EBF3: variants seen among roughly 807,000 people sequenced by gnomAD.
EBF3 encodes EBF transcription factor 3, also known as transcription factor COE3.
A neutral mutation model predicts 77.1 loss-of-function variants in EBF3; 18 were observed. The observed-to-expected ratio is 0.23, with a 90% confidence interval of 0.16 to 0.35. The LOEUF is 0.35. Ranked by LOEUF, EBF3 falls within the 10% of genes least tolerant of loss-of-function variation. The pLI is 1.00. For missense variants in EBF3, 558 were observed against 860.0 expected, an observed-to-expected ratio of 0.65 and a Z score of 4.39; for synonymous variants, 350 against 343.5, an observed-to-expected ratio of 1.02 and a Z score of -0.21.
Position 129,943,110 on chromosome 10 carries a change from C to T in EBF3, c.554+14148G>A, listed in dbSNP as rs1455554805. Among the ~76,000 whole-genome samples the T allele has an allele frequency of 6.6e-6, 1 of 152,214 alleles. No homozygotes were observed. Among genetic ancestry groups the T allele is most frequent in the East Asian group, 1.9e-4 (1 of 5,202 alleles). On this transcript the variant is annotated intron_variant, in intron 6 of 16. Transcript: ENST00000440978. The surrounding 1 kb of genome is among the most constrained non-coding windows in gnomAD (Gnocchi z 8.8). Reference sequence around the variant, plus strand: ...CGATGGGAATGACTGGATCACTCCACCGGCTGCTCAAGAAGCCAACAACTT... The same window carrying T: ...CGATGGGAATGACTGGATCACTCCATCGGCTGCTCAAGAAGCCAACAACTT...
Position 129,962,230 on chromosome 10 carries a change from C to A in EBF3, c.356-4G>T, listed in dbSNP as rs1564930246. ...AGATCTTGCTCTGTTCTGACTCCTGCAAAAAAACAGAGACAAATTCTCATC... is the reference window on the plus strand; with the variant it reads ...AGATCTTGCTCTGTTCTGACTCCTGAAAAAAAACAGAGACAAATTCTCATC... On this transcript the variant is annotated splice_region_variant and splice_polypyrimidine_tract_variant and intron_variant, in intron 3 of 16. Coordinates refer to ENST00000440978, the MANE Select transcript of EBF3 (RefSeq NM_001375380.1). 1.1e-5 allele frequency: 17 copies of A among 1,613,656 alleles called. No homozygotes were observed. Among genetic ancestry groups the A allele is most frequent in the Non-Finnish European group, 1.4e-5 (17 of 1,179,870 alleles).
At chr10:129,932,462 G>A (rs866887652) in intron 6 of EBF3, among the ~76,000 whole-genome samples, 24 of 152,190 alleles carry the variant, frequency 1.6e-4, no homozygotes, top group Non-Finnish European at 1.5e-4. Context: ...CTCTCAGAAA[G>A]GTGAAAGGAG....
At chr10:129,868,657 G>C (rs1852200655) in intron 8 of EBF3, among the ~76,000 whole-genome samples, 1 of 152,212 alleles carries the variant, frequency 6.6e-6, no homozygotes, top group African/African-American at 2.4e-5. Context: ...GCAGGGGGGA[G>C]GGGACCAAGA....
chr10:129,942,648 C>T (rs1370318521), intron 6 of EBF3, among the ~76,000 whole-genome samples: 2 of 152,204 alleles, frequency 1.3e-5, no homozygotes, highest in African/African-American at 2.4e-5. Context: ...CCAGAGATGG[C>T]CTCTCTGCTC....
Position 129,863,650 on chromosome 10 carries a change from G to A in EBF3, c.1039+3491C>T, listed in dbSNP as rs1851794039. The stretch of plus-strand genomic sequence containing the variant: ...ACTGATGGGAACCAGACGCCCAGGG[G>A]ACGGTGCCTACGTCGTGACATGCAA... On this transcript the variant is annotated intron_variant, in intron 10 of 16. Transcript: ENST00000440978. The surrounding 1 kb of genome is among the most constrained non-coding windows in gnomAD (Gnocchi z 4.0). Among the ~76,000 whole-genome samples, 1 of 152,228 alleles carries A rather than the reference G, an allele frequency of 6.6e-6. No homozygotes were observed. Among genetic ancestry groups the A allele is most frequent in the African/African-American group, 2.4e-5 (1 of 41,472 alleles).
intron 7 of EBF3, among the ~76,000 whole-genome samples, chr10:129,876,280 C>T (rs1003306436): frequency 1.3e-5 from 2 of 152,228 alleles, no homozygotes; most frequent in Non-Finnish European, 2.9e-5. Flanking sequence ...AGAGGAAGTT[C>T]TAGTAACTAC....
At chr10:129,850,231 A>G (rs572866042) in intron 10 of EBF3, among the ~76,000 whole-genome samples, 1 of 152,248 alleles carries the variant, frequency 6.6e-6, no homozygotes, top group African/African-American at 2.4e-5. Context: ...ATCAGAAAAG[A>G]TAGATGGGCG....
At chr10:129,925,778 C>T (rs944787921) in intron 6 of EBF3, among the ~76,000 whole-genome samples, 4 of 152,136 alleles carry the variant, frequency 2.6e-5, no homozygotes, top group Non-Finnish European at 4.4e-5. Flanking sequence ...GTTCCAATCA[C>T]GCTGAACTGA....
rs1416682007 is a variant in EBF3, at chr10:129,885,417, C to T, written c.555-7568G>A. Reference sequence around the variant, plus strand: ...AAGCTTCGTCAGCCACCCCACTCCGCCCGCTGTCAGTGTTCTAGTTAGTAT... The same window carrying T: ...AAGCTTCGTCAGCCACCCCACTCCGTCCGCTGTCAGTGTTCTAGTTAGTAT... On this transcript the variant is annotated intron_variant, in intron 6 of 16. Transcript: ENST00000440978. This position sits in a 1 kb window ranked among gnomAD's most constrained non-coding sequence, Gnocchi z 4.0. Among the ~76,000 whole-genome samples the T allele has an allele frequency of 6.6e-6, 1 of 152,192 alleles. No homozygotes were observed. Among genetic ancestry groups the T allele is most frequent in the Non-Finnish European group, 1.5e-5 (1 of 68,038 alleles).
At chr10:129,839,255 T>C in intron 15 of EBF3, 60 bp from the exon 16 acceptor site, 2 of 817,456 alleles carry the variant, frequency 2.4e-6, no homozygotes, top group Non-Finnish European at 3.7e-6. Context: ...TCTAAAGGAG[T>C]AACTGGATTT....
chr10:129,921,607 C>CA (rs1856315155), intron 6 of EBF3, among the ~76,000 whole-genome samples: 1 of 152,186 alleles, frequency 6.6e-6, no homozygotes, highest in Non-Finnish European at 1.5e-5. Context: ...CCTTTGCAGC[C>CA]AGCCCACGGC....
At position 129,863,201 on chromosome 10, in the gene EBF3, T is replaced by C. The variant is rs73381751; in HGVS notation, c.1039+3940A>G. Among the ~76,000 whole-genome samples the C allele has an allele frequency of 0.011, 1,660 of 152,300 alleles. 32 individuals carry two copies. The highest frequency in any genetic ancestry group is 0.037 in the African/African-American group (1,546 of 41,568). On this transcript the variant is annotated intron_variant, in intron 10 of 16. Coordinates refer to ENST00000440978, the MANE Select transcript of EBF3 (RefSeq NM_001375380.1). The surrounding 1 kb of genome is among the most constrained non-coding windows in gnomAD (Gnocchi z 4.0). ...GTTCTCTCTCTCTAATTTCTGACCT[T>C]CTTACAACAGGGTGAGGCACATGGG...
At chr10:129,891,877 TA>T (rs1171436582) in intron 6 of EBF3, among the ~76,000 whole-genome samples, 2 of 152,136 alleles carry the variant, frequency 1.3e-5, no homozygotes, top group African/African-American at 2.4e-5. Flanking sequence ...AGTTCAGAAA[TA>T]TCTAAAAGTG....
chr10:129,846,626 C>T (rs1225876650), intron 11 of EBF3, among the ~76,000 whole-genome samples: 1 of 151,942 alleles, frequency 6.6e-6, no homozygotes, highest in South Asian at 2.1e-4. Flanking sequence ...TGTAAAGCAG[C>T]CTCAGATGGC....
intron 6 of EBF3, among the ~76,000 whole-genome samples, chr10:129,950,894 T>C (rs905633294): frequency 6.6e-6 from 1 of 152,192 alleles, no homozygotes; most frequent in African/African-American, 2.4e-5. Flanking sequence ...CAGGTTAAGC[T>C]CCTTGAGTTT....
At chr10:129,844,205 A>G (rs1431801039) in intron 11 of EBF3, among the ~76,000 whole-genome samples, 1 of 150,798 alleles carries the variant, frequency 6.6e-6, no homozygotes, top group Non-Finnish European at 1.5e-5. Context: ...CCGGTCTAGG[A>G]GAGCTCTGCG....
chr10:129,853,702 G>A (rs1483493750), intron 10 of EBF3, among the ~76,000 whole-genome samples: 2 of 152,182 alleles, frequency 1.3e-5, no homozygotes, highest in African/African-American at 4.8e-5. Flanking sequence ...GTTGTAATGT[G>A]TAAAAATTAA....
At chr10:129,949,603 C>T (rs1858504889) in intron 6 of EBF3, among the ~76,000 whole-genome samples, 1 of 152,178 alleles carries the variant, frequency 6.6e-6, no homozygotes, top group South Asian at 2.1e-4. Context: ...GCGCACGCTG[C>T]CTGCCCATGC....
intron 4 of EBF3, among the ~76,000 whole-genome samples, chr10:129,960,230 C>T (rs974600984): frequency 6.6e-6 from 1 of 152,248 alleles, no homozygotes; most frequent in Non-Finnish European, 1.5e-5. Flanking sequence ...TTCCCGCCCC[C>T]ACCCCTGAAA....
Sources: allele counts gnomAD v4.1 joint callset (sites outside exome capture counted in the v4.1 genomes callset), GRCh38; gene constraint gnomAD v4.1.1; non-coding constraint Gnocchi (gnomAD v3.1); transcripts MANE v1.5; gene names NCBI Gene and HGNC (gene_info 2026-07-23, HGNC 2026-07-21).